SIRPG: variants seen among roughly 807,000 people sequenced by gnomAD.
SIRPG encodes signal-regulatory protein gamma.
Under a neutral mutation model 35.7 loss-of-function variants are expected in SIRPG, and 38 were observed. The observed-to-expected ratio is 1.06, with a 90% CI of 0.82 to 1.40. SIRPG has a LOEUF of 1.40. Among genes scored for constraint, SIRPG ranks in the 40% most tolerant of loss-of-function variants. The pLI, the probability that SIRPG is intolerant of heterozygous loss-of-function variation, is 0.00. For missense variants in SIRPG, 519 were observed against 483.0 expected (o/e 1.07, Z -0.70); for synonymous variants, 215 against 190.4 (o/e 1.13, Z -1.06).
intron 1 of SIRPG, among the ~76,000 whole-genome samples, chr20:1,654,388 C>T (rs2122574030): frequency 1.3e-5 from 2 of 152,256 alleles, no homozygotes; most frequent in East Asian, 3.9e-4. Flanking sequence ...GCAATAAACT[C>T]ACACATTCAC....
In SIRPG at chr20:1,649,263, G is replaced by T; in HGVS notation, c.219C>A (p.Gly73=). The T allele has an allele frequency of 1.2e-6, 2 of 1,613,996 alleles. No homozygotes were observed. Among genetic ancestry groups the T allele is most frequent in the Non-Finnish European group, 1.7e-6 (2 of 1,179,998 alleles). ...PVLWFRGVGP[G]RELIYNQKEG... Reference sequence around the variant, plus strand: ...CTTTTTGATTGTAGATTAATTCCCGGCCTGGTCCAACTCCTCTGAACCACA... The same window carrying T: ...CTTTTTGATTGTAGATTAATTCCCGTCCTGGTCCAACTCCTCTGAACCACA... The change falls in exon 2 of 6, where the codon GGC becomes GGA. Residue 73 remains glycine, a synonymous_variant. Coordinates refer to ENST00000303415, the MANE Select transcript of SIRPG (RefSeq NM_018556.4).
chr20:1,684,126 A>C, the SIRPG span, among the ~76,000 whole-genome samples: 1 of 152,200 alleles, frequency 6.6e-6, no homozygotes, highest in Non-Finnish European at 1.5e-5. Flanking sequence ...AGAGTGAATA[A>C]CATGAATTGT....
chr20:1,633,716 A>G (rs2091768965), intron 4 of SIRPG: 2 of 152,206 alleles, frequency 1.3e-5, no homozygotes, highest in Non-Finnish European at 2.9e-5. Flanking sequence ...ACTAACCACC[A>G]TAAGGTATGT....
chr20:1,673,102 C>A, the SIRPG span, among the ~76,000 whole-genome samples: 1 of 152,304 alleles, frequency 6.6e-6, no homozygotes, highest in Admixed American at 6.5e-5. Flanking sequence ...ATATATCACA[C>A]ATATTTGCCT....
chr20:1,664,673 G>A, the SIRPG span, among the ~76,000 whole-genome samples: 1 of 152,172 alleles, frequency 6.6e-6, no homozygotes, highest in African/African-American at 2.4e-5. Context: ...GGGAAAACAC[G>A]TCCAGGTTTA....
chr20:1,684,292 C>G, the SIRPG span, among the ~76,000 whole-genome samples: 1 of 151,854 alleles, frequency 6.6e-6, no homozygotes, highest in African/African-American at 2.4e-5. Flanking sequence ...TTTTCTCAAA[C>G]AAAAATAAAA....
At chr20:1,664,106 A>G in the SIRPG span, among the ~76,000 whole-genome samples, 1 of 152,320 alleles carries the variant, frequency 6.6e-6, no homozygotes, top group Admixed American at 6.5e-5. Context: ...GCTCTTTGTA[A>G]CAATCAAACC....
chr20:1,677,737 T>C, the SIRPG span, among the ~76,000 whole-genome samples: 39 of 152,146 alleles, frequency 2.6e-4, no homozygotes, highest in Non-Finnish European at 5.3e-4. Context: ...TATGTAAAGG[T>C]GAAGAATAAA....
chr20:1,658,944 A>T (rs1273759865), upstream of SIRPG, among the ~76,000 whole-genome samples: 1 of 152,124 alleles, frequency 6.6e-6, no homozygotes, highest in Non-Finnish European at 1.5e-5. Flanking sequence ...ACCATAGATT[A>T]ATTCCTCCTC....
At chr20:1,653,378 A>G (rs143261278) in intron 1 of SIRPG, among the ~76,000 whole-genome samples, 1 of 152,230 alleles carries the variant, frequency 6.6e-6, no homozygotes, top group Non-Finnish European at 1.5e-5. Context: ...CATTTTCAAC[A>G]GTGTCTGCCA....
chr20:1,632,280 C>G (rs1299394013), intron 4 of SIRPG, among the ~76,000 whole-genome samples: 4 of 152,174 alleles, frequency 2.6e-5, no homozygotes, highest in Admixed American at 6.5e-5. Flanking sequence ...AACCCTGGCT[C>G]TCAGTATTAC....
At chr20:1,677,028 TAACCTTCAC>T in the SIRPG span, 16 of 152,360 alleles carry the variant, frequency 1.1e-4, no homozygotes, top group Non-Finnish European at 2.1e-4. Context: ...TTATCTCATT[TAACCTTCAC>T]AACAAGCCTG....
At chr20:1,672,993 A>AG in the SIRPG span, among the ~76,000 whole-genome samples, 1 of 152,246 alleles carries the variant, frequency 6.6e-6, no homozygotes, top group African/African-American at 2.4e-5. Context: ...TTAGAGAATC[A>AG]GAAAAATGAA....
chr20:1,641,566 T>TGATTTTTTGAA (rs1172645745), intron 2 of SIRPG, among the ~76,000 whole-genome samples: 1 of 152,176 alleles, frequency 6.6e-6, no homozygotes, highest in African/African-American at 2.4e-5. Flanking sequence ...CTGGATTCAT[T>TGATTTTTTGAA]GATTTTTTGA....
intron 1 of SIRPG, among the ~76,000 whole-genome samples, chr20:1,650,004 G>GTGTGTATATATATATATATA (rs774462534): frequency 8.1e-5 from 8 of 98,832 alleles, no homozygotes; most frequent in African/African-American, 2.7e-4. Flanking sequence ...TTTGAAGTGT[G>GTGTGTATATATATATATATA]TATATATATA....
At chr20:1,675,456 T>G in the SIRPG span, among the ~76,000 whole-genome samples, 1 of 152,124 alleles carries the variant, frequency 6.6e-6, no homozygotes, top group Non-Finnish European at 1.5e-5. Context: ...GTTTGTTTGG[T>G]GTTGAATGCT....
the SIRPG span, among the ~76,000 whole-genome samples, chr20:1,684,172 G>A: frequency 6.6e-6 from 1 of 152,138 alleles, no homozygotes; most frequent in Non-Finnish European, 1.5e-5. Context: ...GAGTTTATAA[G>A]TTCTCACCAC....
At chr20:1,644,202 G>A (rs967858969) in intron 2 of SIRPG, among the ~76,000 whole-genome samples, 24 of 152,204 alleles carry the variant, frequency 1.6e-4, no homozygotes, top group African/African-American at 5.5e-4. Flanking sequence ...TAAGACAGTG[G>A]CCACCCCTCC....
At chr20:1,661,492 CAT>C (rs1308141308), upstream of SIRPG, among the ~76,000 whole-genome samples, 1 of 152,178 alleles carries the variant, frequency 6.6e-6, no homozygotes, top group Non-Finnish European at 1.5e-5. Flanking sequence ...GAAATACACT[CAT>C]GTAGAGCAGG....
Sources: allele counts gnomAD v4.1 joint callset (sites outside exome capture counted in the v4.1 genomes callset), GRCh38; gene constraint gnomAD v4.1.1; transcripts MANE v1.5; gene names NCBI Gene and HGNC (gene_info 2026-07-23, HGNC 2026-07-21).